CATSPERE: variants seen among roughly 807,000 people sequenced by gnomAD.
CATSPERE encodes the protein cation channel sperm-associated auxiliary subunit epsilon.
A neutral mutation model predicts 114.1 loss-of-function variants in CATSPERE; 93 were observed. That is an observed-to-expected ratio of 0.81 (90% CI 0.69 to 0.97). CATSPERE has a LOEUF of 0.97. CATSPERE is among the 50% of genes least tolerant of loss of function. CATSPERE has a pLI of 0.00. For synonymous variants in CATSPERE, 341 were observed against 384.1 expected, an observed-to-expected ratio of 0.89 and a Z score of 1.31; for missense variants, 1,058 against 1,131.6, an observed-to-expected ratio of 0.93 and a Z score of 0.93.
chr1:244,493,914 T>A (rs377176182), intron 6 of CATSPERE, among the ~76,000 whole-genome samples: 70 of 152,068 alleles, frequency 4.6e-4, no homozygotes, highest in Non-Finnish European at 9.3e-4. Flanking sequence ...ACCATCTCAC[T>A]CCAGTTAGAA....
At chr1:244,626,636 C>T (rs1336864848) in intron 20 of CATSPERE, among the ~76,000 whole-genome samples, 1 of 152,172 alleles carries the variant, frequency 6.6e-6, no homozygotes, top group Non-Finnish European at 1.5e-5. Context: ...GCTTCTCCAT[C>T]AGCACTTGCT....
At chr1:244,550,031 C>G (rs1660368781) in intron 8 of CATSPERE, among the ~76,000 whole-genome samples, 1 of 152,186 alleles carries the variant, frequency 6.6e-6, no homozygotes, top group African/African-American at 2.4e-5. Flanking sequence ...GGCATTCCTG[C>G]TTCTCAAGCC....
At chr1:244,611,592 C>A (rs1191585632) in intron 19 of CATSPERE, among the ~76,000 whole-genome samples, 1 of 150,956 alleles carries the variant, frequency 6.6e-6, no homozygotes, top group African/African-American at 2.4e-5. Context: ...GAGACCTTGT[C>A]TCAAAAAAGA....
At chr1:244,493,539 GGCA>G (rs1672593693) in intron 6 of CATSPERE, among the ~76,000 whole-genome samples, 1 of 152,106 alleles carries the variant, frequency 6.6e-6, no homozygotes, top group Non-Finnish European at 1.5e-5. Flanking sequence ...CATAGGCATG[GGCA>G]AGGACTTCAT....
At chr1:244,594,415 C>G in intron 17 of CATSPERE, among the ~76,000 whole-genome samples, 1 of 152,186 alleles carries the variant, frequency 6.6e-6, no homozygotes. Flanking sequence ...TTGCTTTCGT[C>G]TCTGACTTTA....
At chr1:244,582,484 C>A (rs541162065) in intron 12 of CATSPERE, among the ~76,000 whole-genome samples, 2 of 151,260 alleles carry the variant, frequency 1.3e-5, no homozygotes, top group African/African-American at 2.4e-5. Context: ...CTCACTGCAA[C>A]CTCCACCTCG....
At chr1:244,516,482 G>C (rs909966840) in intron 7 of CATSPERE, among the ~76,000 whole-genome samples, 1 of 151,684 alleles carries the variant, frequency 6.6e-6, no homozygotes, top group South Asian at 2.1e-4. Flanking sequence ...TGAGTAGCTG[G>C]GACTACAGGT....
chr1:244,620,785 A>G (rs1243385206), intron 20 of CATSPERE, among the ~76,000 whole-genome samples: 1 of 151,232 alleles, frequency 6.6e-6, no homozygotes, highest in African/African-American at 2.4e-5. Flanking sequence ...GATTCATTAG[A>G]TCCTATTGGA....
chr1:244,572,359 G>T lies in CATSPERE; in HGVS notation c.1537G>T (p.Glu513Ter). Reference protein sequence around the residue: ...DYYGDILVKMENNVIFYSKIN... With the variant: ...DYYGDILVKM Reference sequence around the variant, plus strand: ...TTATGGAGATATTTTGGTAAAAATGGAAAATAATGTAATATTTTATTCCAA... The same window carrying T: ...TTATGGAGATATTTTGGTAAAAATGTAAAATAATGTAATATTTTATTCCAA... The change falls in exon 11 of 22, where the codon GAA becomes TAA. Residue 513 changes from glutamate (E) to a stop codon, truncating the protein, a stop_gained. Coordinates refer to ENST00000366534, the MANE Select transcript of CATSPERE (RefSeq NM_001130957.2). LOFTEE classifies it high-confidence loss of function. 1 of 1,491,176 alleles carries T rather than the reference G, an allele frequency of 6.7e-7. No individual in the cohort carries two copies. The highest frequency in any genetic ancestry group is 9.2e-7 in the Non-Finnish European group (1 of 1,083,110). 92.4% of individuals were successfully genotyped at this position (1,491,176 alleles called of 1,614,324 possible).
chr1:244,548,262 G>C (rs1390329399), intron 8 of CATSPERE, among the ~76,000 whole-genome samples: 1 of 152,230 alleles, frequency 6.6e-6, no homozygotes, highest in Admixed American at 6.5e-5. Flanking sequence ...ACGCATGAAA[G>C]AAAGTAGCCA....
chr1:244,529,652 C>T (rs773284495), intron 8 of CATSPERE, among the ~76,000 whole-genome samples: 10 of 151,766 alleles, frequency 6.6e-5, no homozygotes, highest in South Asian at 6.2e-4. Context: ...CTTTGCTGTG[C>T]GGAAGCTTTT....
intron 19 of CATSPERE, among the ~76,000 whole-genome samples, chr1:244,615,950 TAAAAAAAAA>T (rs35945015): frequency 5.2e-5 from 6 of 115,824 alleles, no homozygotes; most frequent in Admixed American, 1.9e-4. Flanking sequence ...CCCCATCTCC[TAAAAAAAAA>T]AAAAAAAAAA....
chr1:244,539,204 G>A (rs1680836677), intron 8 of CATSPERE, among the ~76,000 whole-genome samples: 1 of 151,646 alleles, frequency 6.6e-6, no homozygotes, highest in South Asian at 2.1e-4. Context: ...TTTTGTCAAA[G>A]GCCTTTTCTG....
At chr1:244,590,401 T>G (rs980954318) in intron 14 of CATSPERE, among the ~76,000 whole-genome samples, 2 of 152,232 alleles carry the variant, frequency 1.3e-5, no homozygotes, top group Admixed American at 6.5e-5. Flanking sequence ...TGTGTGCATG[T>G]GTGTTTTACC....
At chr1:244,604,850 C>G (rs893169965) in intron 17 of CATSPERE, among the ~76,000 whole-genome samples, 1 of 152,210 alleles carries the variant, frequency 6.6e-6, no homozygotes, top group African/African-American at 2.4e-5. Context: ...ATATGAAGCA[C>G]TACAGCTCTT....
chr1:244,593,613 T>G, intron 17 of CATSPERE, 35 bp downstream of exon 17: 1 of 1,553,458 alleles, frequency 6.4e-7, no homozygotes, highest in East Asian at 2.2e-5. Context: ...TAACTTATAT[T>G]GAAAGTTTCA....
At chr1:244,464,503 C>T (rs537543917) in intron 2 of CATSPERE, among the ~76,000 whole-genome samples, 4 of 152,152 alleles carry the variant, frequency 2.6e-5, no homozygotes, top group Non-Finnish European at 5.9e-5. Context: ...TTTTATGTAT[C>T]TGTGTATCTG....
At chr1:244,599,749 C>T (rs931767550) in intron 17 of CATSPERE, among the ~76,000 whole-genome samples, 3 of 152,186 alleles carry the variant, frequency 2.0e-5, no homozygotes, top group Admixed American at 6.5e-5. Context: ...TCAGATGCAG[C>T]GAGTGGCTTC....
At chr1:244,501,499 G>T (rs1674024925) in intron 7 of CATSPERE, among the ~76,000 whole-genome samples, 1 of 152,162 alleles carries the variant, frequency 6.6e-6, no homozygotes, top group Non-Finnish European at 1.5e-5. Flanking sequence ...AGAGCTGTCT[G>T]ATTTTTAAAT....
Sources: gnomAD v4.1 joint callset for allele counts (sites outside exome capture counted in the v4.1 genomes callset) on GRCh38, gnomAD v4.1.1 for gene constraint, MANE v1.5 for transcripts, NCBI Gene and HGNC (gene_info 2026-07-23, HGNC 2026-07-21) for gene names.